The following EXOC6 variants were observed in gnomAD, a reference collection of about 807,000 sequenced individuals.
The protein encoded by EXOC6 is SEC15-like 1.
A neutral mutation model predicts 112.5 loss-of-function variants in EXOC6; 60 were observed. That is an observed-to-expected ratio of 0.53 (90% CI 0.43 to 0.66). The LOEUF is 0.66. EXOC6 is among the 30% of genes least tolerant of loss of function. EXOC6 has a pLI of 0.00. For missense variants in EXOC6, 855 were observed against 957.1 expected, an observed-to-expected ratio of 0.89 and a Z score of 1.41; for synonymous variants, 295 against 308.0, an observed-to-expected ratio of 0.96 and a Z score of 0.44.
chr10:92,998,024 A>G (rs769146065), intron 19 of EXOC6, among the ~76,000 whole-genome samples: 26 of 152,182 alleles, frequency 1.7e-4, no homozygotes, highest in Non-Finnish European at 3.4e-4. Flanking sequence ...TGCATTCCAA[A>G]TGAAATTTCT....
intron 20 of EXOC6, among the ~76,000 whole-genome samples, chr10:93,042,926 CTATTATTATTATTAT>C (rs146131116): frequency 7.0e-6 from 1 of 143,682 alleles, no homozygotes; most frequent in Non-Finnish European, 1.5e-5. Flanking sequence ...AGATATTTTA[CTATTATTATTATTAT>C]TATTATTATT....
rs574831631 is a variant in EXOC6 at position 92,984,130 on chromosome 10, C to A, written c.1953+9898C>A. Among the ~76,000 whole-genome samples the A allele has an allele frequency of 2.2e-4, 34 of 152,204 alleles. No homozygotes were observed. The South Asian group carries it at 6.8e-3, about 31-fold the overall frequency. Reference sequence around the variant, plus strand: ...CTTTACACAAAGCATAGTATGCTTGCATTTTTTGTTTTCCTTTCATTTTGG... The same window carrying A: ...CTTTACACAAAGCATAGTATGCTTGAATTTTTTGTTTTCCTTTCATTTTGG... On this transcript the variant is annotated intron_variant, in intron 18 of 21. Transcript: ENST00000260762.
At chr10:92,892,738 A>G (rs1849567670) in intron 1 of EXOC6, among the ~76,000 whole-genome samples, 1 of 152,198 alleles carries the variant, frequency 6.6e-6, no homozygotes, top group Admixed American at 6.5e-5. Flanking sequence ...GACAGTAGGA[A>G]TGAATATGCC....
intron 14 of EXOC6, among the ~76,000 whole-genome samples, chr10:92,949,640 T>A (rs902521856): frequency 6.6e-6 from 1 of 151,472 alleles, no homozygotes; most frequent in Non-Finnish European, 1.5e-5. Flanking sequence ...TTGCCCAGGC[T>A]GGAGTGCAAT....
At position 92,896,067 on chromosome 10, in the gene EXOC6, A is replaced by ATGTGTATATATATG. The variant is rs1564809466; in HGVS notation, c.412+1051_412+1064dup. Among the ~76,000 whole-genome samples, 513 of 54,160 alleles carry ATGTGTATATATATG rather than the reference A, an allele frequency of 9.5e-3. 20 individuals are homozygous for ATGTGTATATATATG. The highest frequency in any genetic ancestry group is 0.037 in the African/African-American group (491 of 13,326). 35.5% of individuals were successfully genotyped at this position (54,160 alleles called of 152,430 possible). ...TATGTGTATATATATGTGTATATAT[A>ATGTGTATATATATG]TGTGTATATATATGTGTATATATAT... is the stretch of plus-strand genomic sequence containing the variant. On this transcript the variant is annotated intron_variant, in intron 4 of 21. Transcript: ENST00000260762.
chr10:92,905,860 T>C (rs1053803580), intron 5 of EXOC6, among the ~76,000 whole-genome samples: 1 of 152,112 alleles, frequency 6.6e-6, no homozygotes, highest in Admixed American at 6.6e-5. Flanking sequence ...ATCCAGTTGA[T>C]TGATGGTACT....
At chr10:92,987,713 C>A (rs1030742185) in intron 18 of EXOC6, 11 of 747,346 alleles carry the variant, frequency 1.5e-5, no homozygotes, top group Non-Finnish European at 1.8e-5. Context: ...TTATTTTTCT[C>A]TGCTTAGGTA....
chr10:92,990,815 T>G (rs1564891319), intron 18 of EXOC6, among the ~76,000 whole-genome samples: 1 of 152,086 alleles, frequency 6.6e-6, no homozygotes, highest in Non-Finnish European at 1.5e-5. Flanking sequence ...CTGCACTCAG[T>G]CTCTGAGTCA....
intron 5 of EXOC6, among the ~76,000 whole-genome samples, chr10:92,905,850 A>G (rs770046336): frequency 2.0e-5 from 3 of 152,248 alleles, no homozygotes; most frequent in Non-Finnish European, 4.4e-5. Context: ...TGCCAATTAG[A>G]TCCAGTTGAT....
chr10:92,850,317 G>T (rs553773893), intron 1 of EXOC6, among the ~76,000 whole-genome samples: 154 of 152,156 alleles, frequency 1.0e-3, no homozygotes, highest in Admixed American at 1.8e-3. Flanking sequence ...GTTCTTTTTT[G>T]CTGGGCAGTT....
intron 17 of EXOC6, among the ~76,000 whole-genome samples, chr10:92,959,071 C>A (rs190479846): frequency 6.6e-6 from 1 of 151,966 alleles, no homozygotes; most frequent in African/African-American, 2.4e-5. Context: ...TCCAGCCTGG[C>A]GGTAGAGTGA....
intron 20 of EXOC6, among the ~76,000 whole-genome samples, chr10:93,016,126 C>A (rs2134242301): frequency 6.6e-6 from 1 of 152,078 alleles, no homozygotes; most frequent in Admixed American, 6.5e-5. Context: ...CACCTGTGAT[C>A]CTATATTTAT....
intron 1 of EXOC6, among the ~76,000 whole-genome samples, chr10:92,859,830 T>TGC (rs1195272405): frequency 2.4e-5 from 2 of 83,812 alleles, no homozygotes; most frequent in Non-Finnish European, 4.8e-5. Context: ...CATGTGTGTG[T>TGC]GTGTGTGTGT....
At chr10:92,954,484 A>G (rs1291813533) in intron 15 of EXOC6, 146 bp from the exon 16 acceptor site, 1 of 443,536 alleles carries the variant, frequency 2.3e-6, no homozygotes, top group East Asian at 3.5e-5. Flanking sequence ...TTTGTGATTT[A>G]ATAAATATGG....
chr10:92,928,413 G>A lies in EXOC6; in HGVS notation c.963G>A (p.Gln321=). The A allele has an allele frequency of 1.3e-6, 2 of 1,598,750 alleles. No individual in the cohort carries two copies. The change falls in exon 9 of 22, where the codon CAG becomes CAA. Residue 321 remains glutamine (Q), a synonymous_variant. Coordinates refer to ENST00000260762, the MANE Select transcript of EXOC6 (RefSeq NM_019053.6). ...AAGCAAGACTGGTATTGCAACCCCA[G>A]TCGAATATGGTAAGTATGCGATATT... is the stretch of plus-strand genomic sequence containing the variant. ...KKQARLVLQP[Q]SNMHETVDGY...
chr10:93,052,576 G>GA (rs1161076183), intron 20 of EXOC6, among the ~76,000 whole-genome samples: 9 of 151,834 alleles, frequency 5.9e-5, no homozygotes, highest in African/African-American at 1.7e-4. Context: ...AATCCTTGGT[G>GA]AAAAAAAACT....
chr10:92,894,849 AATG>A lies in EXOC6; in HGVS notation c.321+11_321+13del. ...CAAGATGCTGGAAAAGAGGTGAGAA[AATG>A]ATACTTTTCTGGGTATTCAGTATGT... On this transcript the variant is annotated intron_variant, in intron 3 of 21. Coordinates refer to ENST00000260762, the MANE Select transcript of EXOC6 (RefSeq NM_019053.6). 6.2e-7 allele frequency: 1 copy of A among 1,613,402 alleles called. No individual in the cohort carries two copies. The highest frequency in any genetic ancestry group is 8.5e-7 in the Non-Finnish European group (1 of 1,179,598).
chr10:92,915,185 TTGCCAACACACAATA>T (rs1182539222), intron 6 of EXOC6, among the ~76,000 whole-genome samples: 1 of 152,120 alleles, frequency 6.6e-6, no homozygotes, highest in Non-Finnish European at 1.5e-5. Flanking sequence ...CCAGTCCCCC[TTGCCAACACACAATA>T]TGCCAACTGA....
At chr10:93,016,433 G>A (rs572846741) in intron 20 of EXOC6, among the ~76,000 whole-genome samples, 6 of 151,862 alleles carry the variant, frequency 4.0e-5, no homozygotes, top group Non-Finnish European at 5.9e-5. Context: ...AAGCCACAGC[G>A]CCCAACCACC....
Sources: gnomAD v4.1 joint callset for allele counts (sites outside exome capture counted in the v4.1 genomes callset) on GRCh38, gnomAD v4.1.1 for gene constraint, MANE v1.5 for transcripts, NCBI Gene and HGNC (gene_info 2026-07-23, HGNC 2026-07-21) for gene names.